PPARG: variants seen among roughly 807,000 people sequenced by gnomAD.
PPARG encodes the protein peroxisome proliferator activated receptor gamma.
PPARG carries 17 observed loss-of-function variants against 39.2 expected under a neutral mutation model. That is an observed-to-expected ratio of 0.43 (90% confidence interval 0.30 to 0.65). The LOEUF is 0.65. Ranked by LOEUF, PPARG falls within the 30% of genes least tolerant of loss-of-function variation. The pLI, the probability that PPARG is intolerant of heterozygous loss-of-function variation, is 0.13. For missense variants in PPARG, 406 were observed against 585.9 expected, an observed-to-expected ratio of 0.69 and a Z score of 3.17; for synonymous variants, 223 against 215.7, an observed-to-expected ratio of 1.03 and a Z score of -0.30.
intron 2 of PPARG, among the ~76,000 whole-genome samples, chr3:12,362,559 A>G (rs922235769): frequency 1.7e-4 from 26 of 151,482 alleles, no homozygotes; most frequent in Non-Finnish European, 2.8e-4. Flanking sequence ...AAATAAATAA[A>G]TAAATAAATA....
At chr3:12,290,319 C>A (rs991051898) in intron 1 of PPARG, among the ~76,000 whole-genome samples, 8 of 151,938 alleles carry the variant, frequency 5.3e-5, no homozygotes, top group African/African-American at 1.9e-4. Flanking sequence ...TTTTGGATGT[C>A]GTTTTCTCAT....
intron 2 of PPARG, among the ~76,000 whole-genome samples, chr3:12,347,364 A>G (rs1444681153): frequency 6.6e-6 from 1 of 152,150 alleles, no homozygotes; most frequent in East Asian, 1.9e-4. Context: ...GCACAGATAC[A>G]TTGAACATTG....
intron 5 of PPARG, among the ~76,000 whole-genome samples, chr3:12,398,235 A>T (rs905135132): frequency 1.3e-5 from 2 of 152,190 alleles, no homozygotes; most frequent in African/African-American, 4.8e-5. Flanking sequence ...CCATCTGAAG[A>T]CCAATGCAAT....
chr3:12,349,470 C>A (rs1263968092), intron 2 of PPARG, among the ~76,000 whole-genome samples: 1 of 152,172 alleles, frequency 6.6e-6, no homozygotes, highest in Non-Finnish European at 1.5e-5. Flanking sequence ...GGATGCTTTG[C>A]GTGTTGCTTG....
chr3:12,373,201 A>G (rs1438510134), intron 2 of PPARG, among the ~76,000 whole-genome samples: 2 of 152,168 alleles, frequency 1.3e-5, no homozygotes, highest in African/African-American at 4.8e-5. Flanking sequence ...AAAATAAAAT[A>G]AAATGTCTAG....
intron 5 of PPARG, among the ~76,000 whole-genome samples, chr3:12,397,409 T>C (rs1474871397): frequency 2.0e-5 from 3 of 146,776 alleles, no homozygotes; most frequent in African/African-American, 5.0e-5. Flanking sequence ...ATTATTATTA[T>C]TATTATTATT....
intron 2 of PPARG, among the ~76,000 whole-genome samples, chr3:12,373,420 A>C (rs2049291269): frequency 6.6e-6 from 1 of 152,190 alleles, no homozygotes; most frequent in Admixed American, 6.5e-5. Flanking sequence ...CTAGGACCAC[A>C]ACCTTCCTCT....
chr3:12,402,246 A>G (rs1359598105), intron 5 of PPARG, among the ~76,000 whole-genome samples: 1 of 152,252 alleles, frequency 6.6e-6, no homozygotes, highest in Non-Finnish European at 1.5e-5. Flanking sequence ...AGCAACAGAC[A>G]CTTGGTGATT....
intron 3 of PPARG, among the ~76,000 whole-genome samples, chr3:12,380,323 T>C (rs983037274): frequency 6.6e-6 from 1 of 152,250 alleles, no homozygotes; most frequent in Non-Finnish European, 1.5e-5. Flanking sequence ...ATATAACTTA[T>C]CTTCACTATA....
chr3:12,379,983 T>C, intron 3 of PPARG, 52 bp downstream of exon 3: 1 of 1,420,860 alleles, frequency 7.0e-7, no homozygotes, highest in Non-Finnish European at 9.9e-7. Context: ...ATTGGACTCA[T>C]CTCTCAGTAA....
intron 7 of PPARG, among the ~76,000 whole-genome samples, chr3:12,429,323 C>T (rs1329266088): frequency 6.6e-6 from 1 of 152,064 alleles, no homozygotes. Context: ...CCAGCAAGCC[C>T]TGATCAGTTG....
intron 2 of PPARG, among the ~76,000 whole-genome samples, chr3:12,375,875 T>A (rs894871883): frequency 6.6e-6 from 1 of 152,150 alleles, no homozygotes; most frequent in Non-Finnish European, 1.5e-5. Context: ...TGTGAACCCA[T>A]ACGGTACCTA....
intron 2 of PPARG, among the ~76,000 whole-genome samples, chr3:12,336,125 G>C (rs922069179): frequency 6.6e-6 from 1 of 152,120 alleles, no homozygotes; most frequent in Non-Finnish European, 1.5e-5. Flanking sequence ...GTAAGAAGTG[G>C]GAGTTATGAG....
chr3:12,304,353 T>TA (rs1265373540), intron 1 of PPARG, among the ~76,000 whole-genome samples: 1 of 152,248 alleles, frequency 6.6e-6, no homozygotes, highest in Non-Finnish European at 1.5e-5. Flanking sequence ...GTCAAACTGT[T>TA]ACGTTTAACA....
chr3:12,298,324 A>AAAAAAAAAG lies in PPARG; in HGVS notation c.-83+9193_-83+9194insAAAAAGAAA, dbSNP rs764771478. Among the ~76,000 whole-genome samples the AAAAAAAAAG allele has an allele frequency of 3.2e-3, 428 of 134,652 alleles. 10 individuals carry two copies. The highest frequency in any genetic ancestry group is 8.1e-3 in the Middle Eastern group (2 of 246). 88.3% of individuals were successfully genotyped at this position (134,652 alleles called of 152,430 possible). On this transcript the variant is annotated intron_variant, in intron 1 of 7. Transcript: ENST00000651735. ...AAAAAAAAAAAAAAAAAAAAAAAAA[A>AAAAAAAAAG]AAAGAAATGTAAAATAGCAAGCGAG... is the stretch of plus-strand genomic sequence containing the variant.
At chr3:12,354,735 C>T (rs142641125) in intron 2 of PPARG, among the ~76,000 whole-genome samples, 2,300 of 129,104 alleles carry the variant, frequency 0.018, 23 homozygotes, top group Non-Finnish European at 0.025. Context: ...GCCTGGGCGA[C>T]AGAGCGAGAC....
chr3:12,399,975 C>A (rs2050413999), intron 5 of PPARG, among the ~76,000 whole-genome samples: 2 of 150,858 alleles, frequency 1.3e-5, no homozygotes, highest in Admixed American at 6.6e-5. Flanking sequence ...TCGAGAAAGA[C>A]CCTGTCTCTA....
chr3:12,380,117 C>T (rs771979250), intron 3 of PPARG, among the ~76,000 whole-genome samples, 186 bp downstream of exon 3: 3 of 152,070 alleles, frequency 2.0e-5, no homozygotes, highest in Non-Finnish European at 4.4e-5. Context: ...GGAGCTGGCA[C>T]GAGGTCAATC....
At chr3:12,372,139 A>T (rs1005135326) in intron 2 of PPARG, 1 of 718,960 alleles carries the variant, frequency 1.4e-6, no homozygotes, top group Non-Finnish European at 2.6e-6. Flanking sequence ...CTAGCTGAAC[A>T]CATTTCTCCA....
Sources: gnomAD v4.1 joint callset for allele counts (sites outside exome capture counted in the v4.1 genomes callset) on GRCh38, gnomAD v4.1.1 for gene constraint, MANE v1.5 for transcripts, NCBI Gene and HGNC (gene_info 2026-07-23, HGNC 2026-07-21) for gene names.